The following IGSF21 variants were observed in gnomAD, a reference collection of about 807,000 sequenced individuals.
IGSF21 encodes immunoglobin superfamily member 21.
A neutral mutation model predicts 46.8 loss-of-function variants in IGSF21; 28 were observed. That is an observed-to-expected ratio of 0.60 (90% CI 0.44 to 0.82). IGSF21 has a LOEUF of 0.82. Among genes scored for constraint, IGSF21 ranks in the 40% least tolerant of loss-of-function variants. The probability of loss-of-function intolerance (pLI) is 0.00; values close to 1 mark genes in which losing one functional copy is unlikely to be tolerated. For synonymous variants in IGSF21, 284 were observed against 273.6 expected (o/e 1.04, Z -0.38); for missense variants, 624 against 665.5 (o/e 0.94, Z 0.69).
intron 5 of IGSF21, 87 bp downstream of exon 5, chr1:18,362,317 G>T: frequency 2.1e-6 from 2 of 942,390 alleles, no homozygotes; most frequent in Non-Finnish European, 1.7e-6. Flanking sequence ...TCGCCACTGT[G>T]CCTGGAAAGG....
At chr1:18,340,482 C>T (rs1032961128) in intron 4 of IGSF21, among the ~76,000 whole-genome samples, 2 of 152,210 alleles carry the variant, frequency 1.3e-5, no homozygotes, top group African/African-American at 2.4e-5. Context: ...AGGTGCCAGG[C>T]ACAATTCTAG....
At chr1:18,378,044 T>C (rs554213593) in intron 9 of IGSF21, among the ~76,000 whole-genome samples, 45 of 152,280 alleles carry the variant, frequency 3.0e-4, no homozygotes, top group Middle Eastern at 3.4e-3. Flanking sequence ...ACCATCCTCA[T>C]GGCCTCTAGG....
chr1:18,180,756 A>G (rs1254731793), intron 1 of IGSF21, among the ~76,000 whole-genome samples: 1 of 152,224 alleles, frequency 6.6e-6, no homozygotes, highest in Non-Finnish European at 1.5e-5. Flanking sequence ...CATTTTACAT[A>G]TATTAACTCA....
intron 2 of IGSF21, among the ~76,000 whole-genome samples, chr1:18,273,222 G>C (rs1244107943): frequency 2.0e-5 from 3 of 151,388 alleles, no homozygotes; most frequent in Non-Finnish European, 4.4e-5. Context: ...TGTATTTTTA[G>C]TAGAGACGGG....
chr1:18,323,184 G>A (rs1476480638), intron 3 of IGSF21, among the ~76,000 whole-genome samples: 1 of 152,188 alleles, frequency 6.6e-6, no homozygotes, highest in South Asian at 2.1e-4. Context: ...TTGGAAAAAG[G>A]TTCCTACCAG....
chr1:18,179,167 C>A (rs937318477), intron 1 of IGSF21: 2 of 152,202 alleles, frequency 1.3e-5, no homozygotes, highest in Non-Finnish European at 2.9e-5. Context: ...CCTGTCCAAG[C>A]CGAGAGGGGA....
intron 2 of IGSF21, 109 bp from the exon 3 acceptor site, chr1:18,291,757 G>T (rs985707455): frequency 4.7e-5 from 61 of 1,309,458 alleles, no homozygotes; most frequent in Non-Finnish European, 6.5e-5. Flanking sequence ...CAGGATGGGG[G>T]CTGTCCTTCT....
At chr1:18,305,496 G>GGAT (rs1385652137) in intron 3 of IGSF21, among the ~76,000 whole-genome samples, 28 of 138,856 alleles carry the variant, frequency 2.0e-4, no homozygotes, top group African/African-American at 7.4e-4. Flanking sequence ...GATGATGGAT[G>GGAT]GATGGATGGA....
At chr1:18,374,739 C>A (rs552938526) in intron 6 of IGSF21, among the ~76,000 whole-genome samples, 4 of 152,272 alleles carry the variant, frequency 2.6e-5, no homozygotes, top group Non-Finnish European at 4.4e-5. Flanking sequence ...CCCACATCTG[C>A]CAACTGCTCT....
At chr1:18,253,177 T>C (rs1322865673) in intron 2 of IGSF21, among the ~76,000 whole-genome samples, 2 of 152,164 alleles carry the variant, frequency 1.3e-5, no homozygotes, top group African/African-American at 4.8e-5. Flanking sequence ...CTTCATCCGA[T>C]GTGCAGGGTC....
At chr1:18,257,089 G>A (rs1456468491) in intron 2 of IGSF21, among the ~76,000 whole-genome samples, 1 of 152,274 alleles carries the variant, frequency 6.6e-6, no homozygotes, top group East Asian at 1.9e-4. Context: ...TCTCAGAGTT[G>A]CTAGGGCCTC....
chr1:18,250,767 G>C (rs1344730723), intron 2 of IGSF21, among the ~76,000 whole-genome samples: 1 of 152,150 alleles, frequency 6.6e-6, no homozygotes, highest in African/African-American at 2.4e-5. Context: ...CATTTATAAA[G>C]TGCCTGAGTG....
chr1:18,280,237 C>T (rs879520277), intron 2 of IGSF21, among the ~76,000 whole-genome samples: 1 of 152,090 alleles, frequency 6.6e-6, no homozygotes, highest in African/African-American at 2.4e-5. Context: ...CATGCTCCCG[C>T]CCCCCACACC....
At position 18,334,671 on chromosome 1, in the gene IGSF21, C is replaced by A. The variant is rs1382838036; in HGVS notation, c.306-221C>A. Among the ~76,000 whole-genome samples, 2 of 152,242 alleles carry A rather than the reference C, an allele frequency of 1.3e-5. No individual in the cohort carries two copies. Among genetic ancestry groups the A allele is most frequent in the Non-Finnish European group, 2.9e-5 (2 of 68,050 alleles). On this transcript the variant is annotated intron_variant, in intron 3 of 9. Coordinates refer to ENST00000251296, the MANE Select transcript of IGSF21 (RefSeq NM_032880.5). This position sits in a 1 kb window ranked among gnomAD's most constrained non-coding sequence, Gnocchi z 4.3. ...CAGGACCCACTGAGCACAAATTGGG[C>A]TCTGGCTGAACACAGTCCACACCTT...
intron 1 of IGSF21, among the ~76,000 whole-genome samples, chr1:18,221,352 G>A (rs2084508381): frequency 6.6e-6 from 1 of 152,122 alleles, no homozygotes; most frequent in African/African-American, 2.4e-5. Context: ...AGGGACATGT[G>A]GTGACTCTAA....
intron 1 of IGSF21, chr1:18,167,055 T>C (rs1044092652): frequency 2.0e-5 from 3 of 152,992 alleles, no homozygotes; most frequent in African/African-American, 7.2e-5. Context: ...AAGTGTTTGA[T>C]GGAGTTTGAC....
chr1:18,192,351 G>C (rs2086966078), intron 1 of IGSF21, among the ~76,000 whole-genome samples: 1 of 152,218 alleles, frequency 6.6e-6, no homozygotes, highest in Non-Finnish European at 1.5e-5. Flanking sequence ...GCATATTAGT[G>C]AATCTCTCCC....
At chr1:18,244,533 C>A (rs985338420) in intron 2 of IGSF21, among the ~76,000 whole-genome samples, 6 of 152,212 alleles carry the variant, frequency 3.9e-5, no homozygotes, top group Admixed American at 6.5e-5. Flanking sequence ...GGATCCCTTG[C>A]ACAAGTCCAG....
At chr1:18,254,179 G>A (rs1282421137) in intron 2 of IGSF21, among the ~76,000 whole-genome samples, 2 of 152,182 alleles carry the variant, frequency 1.3e-5, no homozygotes, top group African/African-American at 2.4e-5. Context: ...CCAAGCAGAT[G>A]ATCCCAGTGC....
Sources: allele counts gnomAD v4.1 joint callset (sites outside exome capture counted in the v4.1 genomes callset), GRCh38; gene constraint gnomAD v4.1.1; non-coding constraint Gnocchi (gnomAD v3.1); transcripts MANE v1.5; gene names NCBI Gene and HGNC (gene_info 2026-07-23, HGNC 2026-07-21).